Variants in TMEM192 observed in about 807,000 individuals in gnomAD.
TMEM192 encodes the protein transmembrane protein 192.
Under a neutral mutation model 26.7 loss-of-function variants are expected in TMEM192, and 20 were observed. The ratio of observed to expected loss-of-function variants is 0.75; its 90% confidence interval spans 0.53 to 1.09. TMEM192 has a LOEUF of 1.09. Among genes scored for constraint, TMEM192 ranks in the 50% least tolerant of loss-of-function variants. The pLI is 0.00. For missense variants in TMEM192, 304 were observed against 322.6 expected, an observed-to-expected ratio of 0.94 and a Z score of 0.44; for synonymous variants, 124 against 121.0, an observed-to-expected ratio of 1.02 and a Z score of -0.16.
At chr4:165,099,202 T>G (rs954016235) in intron 3 of TMEM192, among the ~76,000 whole-genome samples, 3 of 143,200 alleles carry the variant, frequency 2.1e-5, no homozygotes, top group African/African-American at 7.9e-5. Flanking sequence ...TTCTCCCACC[T>G]CAGCTTCCAG....
chr4:165,086,777 C>T (rs1404351853), intron 4 of TMEM192, among the ~76,000 whole-genome samples: 2 of 151,812 alleles, frequency 1.3e-5, no homozygotes, highest in Non-Finnish European at 2.9e-5. Context: ...GAAAGGATCT[C>T]ACCATCATCC....
At chr4:165,097,187 A>G (rs1734927334) in intron 3 of TMEM192, among the ~76,000 whole-genome samples, 1 of 152,140 alleles carries the variant, frequency 6.6e-6, no homozygotes, top group African/African-American at 2.4e-5. Flanking sequence ...AACTTGCAGC[A>G]TGCCCTTTAA....
intron 1 of TMEM192, among the ~76,000 whole-genome samples, chr4:165,112,396 C>T (rs1735316137): frequency 6.6e-6 from 1 of 152,170 alleles, no homozygotes; most frequent in Non-Finnish European, 1.5e-5. Context: ...GAAGGGCTGT[C>T]AGGCCAGGCG....
chr4:165,100,339 T>C (rs2110782807), intron 3 of TMEM192, among the ~76,000 whole-genome samples: 1 of 152,122 alleles, frequency 6.6e-6, no homozygotes, highest in Non-Finnish European at 1.5e-5. Context: ...TTTGTATTTT[T>C]AGTAGAGACG....
rs917365930 is a variant in TMEM192, at chr4:165,077,114, G to A, written c.*2544C>T. 1.3e-5 allele frequency: 2 copies of A among 152,082 alleles called. No homozygotes were observed. Among genetic ancestry groups the A allele is most frequent in the Non-Finnish European group, 2.9e-5 (2 of 68,018 alleles). 9.4% of individuals were successfully genotyped at this position (152,082 alleles called of 1,614,324 possible). ...CTGCATCAGCTGTTTTGCTACTTCT[G>A]ATACTTAGTTTCATTTTCATTTATT... On this transcript the variant is annotated 3_prime_UTR_variant, in exon 6 of 6. Coordinates refer to ENST00000306480, the MANE Select transcript of TMEM192 (RefSeq NM_001100389.2).
At chr4:165,101,082 T>C (rs1259515652) in intron 2 of TMEM192, among the ~76,000 whole-genome samples, 190 bp from the exon 3 acceptor site, 1 of 148,348 alleles carries the variant, frequency 6.7e-6, no homozygotes, top group Non-Finnish European at 1.5e-5. Flanking sequence ...GTTCACGCCA[T>C]TCTCCTGCCT....
chr4:165,109,554 C>T (rs963328805), intron 1 of TMEM192, among the ~76,000 whole-genome samples: 1 of 152,160 alleles, frequency 6.6e-6, no homozygotes, highest in South Asian at 2.1e-4. Flanking sequence ...TAGTAGATAC[C>T]GGGTTTCGCC....
chr4:165,085,797 A>C (rs1420498564), intron 4 of TMEM192, 109 bp from the exon 5 acceptor site: 1 of 745,234 alleles, frequency 1.3e-6, no homozygotes, highest in Non-Finnish European at 2.2e-6. Flanking sequence ...AGTATTTCAA[A>C]TTCTACTATG....
At chr4:165,102,869 A>AGAGG in intron 2 of TMEM192, 81 bp downstream of exon 2, 1 of 1,360,930 alleles carries the variant, frequency 7.3e-7, no homozygotes, top group Admixed American at 2.3e-5. Flanking sequence ...TGATAGATAC[A>AGAGG]GCACAACTGC....
chr4:165,105,909 A>C (rs902925462), intron 1 of TMEM192, among the ~76,000 whole-genome samples: 1 of 152,224 alleles, frequency 6.6e-6, no homozygotes, highest in Non-Finnish European at 1.5e-5. Context: ...TCCCCCCCTC[A>C]TAAATGAGAT....
intron 3 of TMEM192, among the ~76,000 whole-genome samples, chr4:165,096,394 G>T (rs1734903597): frequency 6.6e-6 from 1 of 151,026 alleles, no homozygotes; most frequent in African/African-American, 2.4e-5. Context: ...AACAGAGCAA[G>T]ACTCTCAAAA....
rs1227883729 is a variant in TMEM192 at position 165,079,675 on chromosome 4, G to C, written c.799C>G (p.Gln267Glu). Residue 267 changes from glutamine to glutamate, a missense_variant, in exon 6 of 6, where the codon CAG becomes GAG. Physicochemically the swap from Gln to Glu is conservative, Grantham distance 29. Coordinates refer to ENST00000306480, the MANE Select transcript of TMEM192 (RefSeq NM_001100389.2). ...LALTSSDLGC[Q>E]PSRT is the part of the protein sequence containing the mutation. ...TGAGCCTCTCACGTTCTACTTGGCTGACAGCCCAGGTCTGAGGAAGTGAGA... is the reference window on the plus strand; with the variant it reads ...TGAGCCTCTCACGTTCTACTTGGCTCACAGCCCAGGTCTGAGGAAGTGAGA... The C allele has an allele frequency of 2.4e-5, 38 of 1,611,256 alleles. No individual in the cohort carries two copies. Among genetic ancestry groups the C allele is most frequent in the Non-Finnish European group, 3.1e-5 (36 of 1,178,692 alleles).
At chr4:165,092,542 T>C (rs982857303) in intron 3 of TMEM192, among the ~76,000 whole-genome samples, 1 of 152,190 alleles carries the variant, frequency 6.6e-6, no homozygotes, top group African/African-American at 2.4e-5. Context: ...GCATATCTAT[T>C]ATTTACTTAT....
Position 165,075,502 on chromosome 4 carries a change from C to T in TMEM192, c.*4156G>A, listed in dbSNP as rs1457000480. 6.6e-6 allele frequency: 1 copy of T among 152,110 alleles called. No homozygotes were observed. The highest frequency in any genetic ancestry group is 1.9e-4 in the East Asian group (1 of 5,180). The allele number at this position is 152,110 out of a possible 1,614,324, so 9.4% of individuals were successfully genotyped here. ...ATCTGCTGACCTCGTGATCTGTCCG[C>T]CTCGGCCTCCCAAAGTGCTGAGATT... On this transcript the variant is annotated 3_prime_UTR_variant, in exon 6 of 6. Coordinates refer to ENST00000306480, the MANE Select transcript of TMEM192 (RefSeq NM_001100389.2).
intron 3 of TMEM192, among the ~76,000 whole-genome samples, chr4:165,093,348 G>T (rs1442294335): frequency 6.6e-6 from 1 of 151,912 alleles, no homozygotes; most frequent in Non-Finnish European, 1.5e-5. Context: ...ACCCGCCTCG[G>T]CCTCCCAAAG....
At chr4:165,109,518 C>T (rs541671634) in intron 1 of TMEM192, among the ~76,000 whole-genome samples, 8 of 152,298 alleles carry the variant, frequency 5.3e-5, no homozygotes, top group African/African-American at 1.4e-4. Flanking sequence ...GCATGTGCCA[C>T]CATGCCCAGG....
chr4:165,088,440 A>G (rs777369368), intron 4 of TMEM192, 28 bp downstream of exon 4: 4 of 1,600,634 alleles, frequency 2.5e-6, no homozygotes, highest in Middle Eastern at 3.5e-4. Flanking sequence ...CGAAGTTCCT[A>G]TAAGAACAGG....
At position 165,071,219 on chromosome 4, in the gene TMEM192, A is replaced by G. The variant is rs1734267647; in HGVS notation, c.*8439T>C. On this transcript the variant is annotated 3_prime_UTR_variant, in exon 6 of 6. Transcript: ENST00000306480. The stretch of plus-strand genomic sequence containing the variant: ...AATAATTATAGCAATATACTATAAT[A>G]AAAGTTACGTGTGGTGGTGTGGTGC... 1 of 152,228 alleles carries G rather than the reference A, an allele frequency of 6.6e-6. No homozygotes were observed. The highest frequency in any genetic ancestry group is 2.4e-5 in the African/African-American group (1 of 41,474). The allele number at this position is 152,228 out of a possible 1,614,324, so 9.4% of individuals were successfully genotyped here.
intron 1 of TMEM192, 110 bp from the exon 2 acceptor site, chr4:165,103,206 G>A: frequency 1.1e-6 from 1 of 940,556 alleles, no homozygotes; most frequent in Non-Finnish European, 1.4e-6. Flanking sequence ...TTAAAGGCAA[G>A]AGAACACATT....
Sources: allele counts gnomAD v4.1 joint callset (sites outside exome capture counted in the v4.1 genomes callset), GRCh38; gene constraint gnomAD v4.1.1; transcripts MANE v1.5; gene names NCBI Gene and HGNC (gene_info 2026-07-23, HGNC 2026-07-21).